The following BRINP3 variants were observed in gnomAD, a reference collection of about 807,000 sequenced individuals.
The protein encoded by BRINP3 is BMP/retinoic acid inducible neural specific 3.
Under a neutral mutation model 71.0 loss-of-function variants are expected in BRINP3, and 19 were observed. The observed-to-expected ratio is 0.27, with a 90% confidence interval of 0.19 to 0.39. BRINP3 has a LOEUF of 0.39. BRINP3 is among the 10% of genes least tolerant of loss of function. The probability of loss-of-function intolerance (pLI) is 1.00; values close to 1 mark genes in which losing one functional copy is unlikely to be tolerated. For synonymous variants in BRINP3, 380 were observed against 337.7 expected (o/e 1.13, Z -1.37); for missense variants, 959 against 940.8 (o/e 1.02, Z -0.25).
At chr1:190,171,504 T>C (rs529613713) in intron 6 of BRINP3, among the ~76,000 whole-genome samples, 1 of 152,272 alleles carries the variant, frequency 6.6e-6, no homozygotes, top group African/African-American at 2.4e-5. Flanking sequence ...GCCAAATAAG[T>C]TTAGTGATTT....
chr1:190,154,062 T>A (rs186540770), intron 7 of BRINP3: 1 of 963,918 alleles, frequency 1.0e-6, no homozygotes, highest in African/African-American at 1.8e-5. Context: ...TCTTCACAAG[T>A]TTTTTCAGTT....
chr1:190,151,618 T>A lies in BRINP3; in HGVS notation c.1184+9050A>T, dbSNP rs149021916. Among the ~76,000 whole-genome samples, 5 of 152,300 alleles carry A rather than the reference T, an allele frequency of 3.3e-5. No individual in the cohort carries two copies. In the East Asian group the frequency reaches 9.7e-4, roughly 29 times the overall value. On this transcript the variant is annotated intron_variant, in intron 7 of 7. Transcript: ENST00000367462. ...ATAAGAAAGAAATCTGACAAAAATA[T>A]GTCCTAGTAAATGAATCAGCATTTT...
chr1:190,390,329 T>C (rs948315697), intron 2 of BRINP3, among the ~76,000 whole-genome samples: 1 of 151,660 alleles, frequency 6.6e-6, no homozygotes, highest in East Asian at 1.9e-4. Flanking sequence ...AAATTAAAAA[T>C]TATGAAGCAA....
intron 2 of BRINP3, among the ~76,000 whole-genome samples, chr1:190,428,882 T>C (rs1673903381): frequency 6.6e-6 from 1 of 152,134 alleles, no homozygotes; most frequent in African/African-American, 2.4e-5. Context: ...TGAAATACAA[T>C]TTAAAGCATT....
chr1:190,167,924 C>G (rs1651696620), intron 6 of BRINP3, among the ~76,000 whole-genome samples: 2 of 152,118 alleles, frequency 1.3e-5, no homozygotes, highest in African/African-American at 4.8e-5. Context: ...ATGCTAGTAT[C>G]TCCGAGTGCT....
intron 7 of BRINP3, among the ~76,000 whole-genome samples, chr1:190,158,664 A>G (rs886208824): frequency 2.6e-5 from 4 of 152,112 alleles, no homozygotes; most frequent in African/African-American, 9.7e-5. Flanking sequence ...GAAAATTCTC[A>G]AATTAATAAC....
Position 190,098,163 on chromosome 1 carries a change from C to T in BRINP3, c.2156G>A (p.Arg719His), listed in dbSNP as rs760188757. ...CAAGCAAGAGAAAAGATCTAGACGA[C>T]GCTGACCAGGTGGGGAGAGTTTATT... is the stretch of plus-strand genomic sequence containing the variant. Reference protein sequence around the residue: ...RVNKLSPPGQRRLDLFSCLLR... With the variant: ...RVNKLSPPGQHRLDLFSCLLR... Residue 719 changes from arginine (R) to histidine (H), a missense_variant, in exon 8 of 8, where the codon CGT becomes CAT. Physicochemically the swap from Arg to His is conservative, Grantham distance 29. Coordinates refer to ENST00000367462, the MANE Select transcript of BRINP3 (RefSeq NM_199051.3). 2.5e-5 allele frequency: 40 copies of T among 1,614,016 alleles called. No homozygotes were observed. The Middle Eastern group carries it at 4.9e-4, about 20-fold the overall frequency.
At chr1:190,340,904 C>T (rs1038270361) in intron 2 of BRINP3, among the ~76,000 whole-genome samples, 28 of 147,960 alleles carry the variant, frequency 1.9e-4, no homozygotes, top group African/African-American at 7.0e-4. Context: ...GTCTGATACT[C>T]ATTCTTTTTT....
At chr1:190,293,691 T>TAATAAA (rs1664039649) in intron 2 of BRINP3, among the ~76,000 whole-genome samples, 2 of 152,196 alleles carry the variant, frequency 1.3e-5, no homozygotes, top group South Asian at 2.1e-4. Flanking sequence ...TTTACATATT[T>TAATAAA]GGGTGTTGTG....
chr1:190,121,500 T>C (rs1211755123), intron 7 of BRINP3, among the ~76,000 whole-genome samples: 1 of 152,186 alleles, frequency 6.6e-6, no homozygotes, highest in African/African-American at 2.4e-5. Flanking sequence ...AATGTGCTAT[T>C]GATATGTTTG....
chr1:190,176,880 T>C (rs1300835048), intron 6 of BRINP3, among the ~76,000 whole-genome samples: 1 of 152,174 alleles, frequency 6.6e-6, no homozygotes, highest in Non-Finnish European at 1.5e-5. Flanking sequence ...CTTTGTTTCA[T>C]GTACCAAAGA....
At chr1:190,127,017 G>A (rs1557989931) in intron 7 of BRINP3, among the ~76,000 whole-genome samples, 7 of 151,768 alleles carry the variant, frequency 4.6e-5, no homozygotes, top group Non-Finnish European at 1.5e-5. Context: ...ATCACAAACA[G>A]TATTTATTTA....
At chr1:190,397,688 C>T (rs967932119) in intron 2 of BRINP3, among the ~76,000 whole-genome samples, 3 of 151,722 alleles carry the variant, frequency 2.0e-5, no homozygotes, top group Non-Finnish European at 2.9e-5. Flanking sequence ...AACTGAATAT[C>T]CTTTTGGAGT....
At chr1:190,212,192 C>A (rs569207627) in intron 6 of BRINP3, among the ~76,000 whole-genome samples, 5 of 152,006 alleles carry the variant, frequency 3.3e-5, no homozygotes, top group Non-Finnish European at 7.4e-5. Context: ...AACCTTTACC[C>A]ATGAGAAGGC....
intron 7 of BRINP3, among the ~76,000 whole-genome samples, chr1:190,136,690 A>C (rs570213194): frequency 1.6e-4 from 24 of 152,250 alleles, no homozygotes; most frequent in Non-Finnish European, 2.1e-4. Context: ...TATAGTCTGC[A>C]TAAGTCTTGT....
chr1:190,258,510 A>T (rs1163736900), intron 4 of BRINP3, among the ~76,000 whole-genome samples: 3 of 152,240 alleles, frequency 2.0e-5, no homozygotes. Context: ...GTTTACCTTG[A>T]TTGATCAAGA....
intron 2 of BRINP3, among the ~76,000 whole-genome samples, chr1:190,358,489 G>T (rs1466412364): frequency 6.6e-6 from 1 of 152,040 alleles, no homozygotes; most frequent in African/African-American, 2.4e-5. Flanking sequence ...TTAGAATCGC[G>T]ATCATTAAAA....
intron 2 of BRINP3, among the ~76,000 whole-genome samples, chr1:190,296,177 T>C (rs1323464305): frequency 6.6e-6 from 1 of 151,886 alleles, no homozygotes; most frequent in Non-Finnish European, 1.5e-5. Flanking sequence ...TTTTACAGTT[T>C]CATGTTATAT....
At chr1:190,164,121 C>T (rs761780407) in intron 6 of BRINP3, among the ~76,000 whole-genome samples, 21 of 152,008 alleles carry the variant, frequency 1.4e-4, no homozygotes, top group Non-Finnish European at 2.6e-4. Context: ...CAGATACATA[C>T]CCCCGATTGG....
Sources: gnomAD v4.1 joint callset for allele counts (sites outside exome capture counted in the v4.1 genomes callset) on GRCh38, gnomAD v4.1.1 for gene constraint, MANE v1.5 for transcripts, NCBI Gene and HGNC (gene_info 2026-07-23, HGNC 2026-07-21) for gene names.